The following OSBPL9 variants were observed in gnomAD, a reference collection of about 807,000 sequenced individuals.
The protein encoded by OSBPL9 is oxysterol binding protein like 9.
OSBPL9 carries 40 observed loss-of-function variants against 106.6 expected under a neutral mutation model. The observed-to-expected ratio is 0.38, with a 90% CI of 0.29 to 0.49. The LOEUF (loss-of-function observed/expected upper bound fraction) is 0.49, where lower values mean the gene tolerates loss of function less well. Ranked by LOEUF, OSBPL9 falls within the 20% of genes least tolerant of loss-of-function variation. The pLI is 0.97. For missense variants in OSBPL9, 609 were observed against 887.2 expected (o/e 0.69, Z 3.98); for synonymous variants, 269 against 295.4 (o/e 0.91, Z 0.92).
the OSBPL9 span, among the ~76,000 whole-genome samples, chr1:51,570,292 G>GTACT: frequency 3.3e-5 from 5 of 152,146 alleles, no homozygotes; most frequent in Non-Finnish European, 7.4e-5. Context: ...TATTACTACT[G>GTACT]TACTTAATCT....
chr1:51,734,032 A>G (rs1234810252), intron 4 of OSBPL9, among the ~76,000 whole-genome samples: 1 of 152,186 alleles, frequency 6.6e-6, no homozygotes, highest in East Asian at 1.9e-4. Flanking sequence ...TATTATCTCT[A>G]TTGTCCTTAA....
chr1:51,789,166 A>AACTC lies in OSBPL9; in HGVS notation c.*1378_*1381dup. On this transcript the variant is annotated 3_prime_UTR_variant, in exon 24 of 24. Transcript: ENST00000428468. ...GAAGCCCTAAGGCAGTAGTATAACTAACTCCATAAAATACAAACAAACACA... is the reference window on the plus strand; with the variant it reads ...GAAGCCCTAAGGCAGTAGTATAACTAACTCACTCCATAAAATACAAACAAACACA... 2 of 1,423,038 alleles carry AACTC rather than the reference A, an allele frequency of 1.4e-6. No individual in the cohort carries two copies. The highest frequency in any genetic ancestry group is 2.0e-6 in the Non-Finnish European group (2 of 1,008,018). 88.2% of individuals were successfully genotyped at this position (1,423,038 alleles called of 1,614,324 possible). A position where few individuals can be genotyped will look rare whatever the true frequency, so the allele number is the denominator to read the frequency against.
intron 1 of OSBPL9, among the ~76,000 whole-genome samples, chr1:51,591,415 C>A (rs1645274876): frequency 6.6e-6 from 1 of 152,168 alleles, no homozygotes; most frequent in South Asian, 2.1e-4. Context: ...ATGGTTAAGC[C>A]ATTTACTAAG....
chr1:51,522,627 C>A, the OSBPL9 span, among the ~76,000 whole-genome samples: 2 of 152,016 alleles, frequency 1.3e-5, no homozygotes, highest in Non-Finnish European at 2.9e-5. Flanking sequence ...TGTAGCCAAT[C>A]GAATATATGT....
At chr1:51,740,387 T>C (rs1666640971) in intron 4 of OSBPL9, among the ~76,000 whole-genome samples, 1 of 152,038 alleles carries the variant, frequency 6.6e-6, no homozygotes, top group African/African-American at 2.4e-5. Flanking sequence ...GGTATGTGTT[T>C]TACTAATTAA....
intron 1 of OSBPL9, among the ~76,000 whole-genome samples, chr1:51,621,962 G>A (rs950952531): frequency 4.6e-5 from 7 of 151,848 alleles, no homozygotes; most frequent in Admixed American, 4.6e-4. Flanking sequence ...GGCATATGAT[G>A]TTAGCTTGTC....
chr1:51,531,703 G>A, the OSBPL9 span, among the ~76,000 whole-genome samples: 1 of 152,132 alleles, frequency 6.6e-6, no homozygotes, highest in Non-Finnish European at 1.5e-5. Context: ...TGGAATAAGA[G>A]TCTGGAGTTC....
chr1:51,724,843 CT>C, intron 4 of OSBPL9: 2 of 266,474 alleles, frequency 7.5e-6, no homozygotes, highest in South Asian at 5.6e-5. Context: ...TGGAGACTTC[CT>C]TTACCCTTCT....
chr1:51,748,520 C>T (rs1668515748), intron 7 of OSBPL9, 122 bp downstream of exon 7: 1 of 1,088,914 alleles, frequency 9.2e-7, no homozygotes, highest in South Asian at 2.7e-5. Context: ...GAATATTATA[C>T]AGGGGTGCTT....
At chr1:51,723,084 G>T (rs2148916577) in intron 4 of OSBPL9, among the ~76,000 whole-genome samples, 1 of 152,294 alleles carries the variant, frequency 6.6e-6, no homozygotes, top group South Asian at 2.1e-4. Context: ...CGCATGTGCG[G>T]CCTCCCCTAC....
intron 2 of OSBPL9, among the ~76,000 whole-genome samples, chr1:51,655,001 G>A (rs1646731993): frequency 6.6e-6 from 1 of 152,060 alleles, no homozygotes; most frequent in Non-Finnish European, 1.5e-5. Context: ...TGGTGATGAT[G>A]GTGATCATCA....
intron 6 of OSBPL9, among the ~76,000 whole-genome samples, chr1:51,747,553 C>CTTTTTTTTTTTTTTTTTTT (rs746109312): frequency 7.5e-4 from 32 of 42,386 alleles, no homozygotes; most frequent in Admixed American, 1.1e-3. Flanking sequence ...CTCTCCTTGG[C>CTTTTTTTTTTTTTTTTTTT]TTTTTTTTTT....
chr1:51,726,029 A>G (rs890500577), intron 4 of OSBPL9, among the ~76,000 whole-genome samples: 1 of 152,268 alleles, frequency 6.6e-6, no homozygotes, highest in African/African-American at 2.4e-5. Context: ...TGATTAATAC[A>G]TATTTTATAT....
chr1:51,776,700 C>A, intron 14 of OSBPL9, 133 bp from the exon 15 acceptor site: 1 of 626,798 alleles, frequency 1.6e-6, no homozygotes, highest in Non-Finnish European at 2.8e-6. Context: ...TGGAGCATGC[C>A]TGGGCAATAT....
chr1:51,617,291 G>A (rs1644103831), intron 1 of OSBPL9, 70 bp downstream of exon 1: 17 of 1,457,526 alleles, frequency 1.2e-5, no homozygotes, highest in Non-Finnish European at 4.6e-6. Flanking sequence ...GGGGGACCGG[G>A]GTTTTAGGTG....
At chr1:51,711,585 T>C (rs1175320965) in intron 3 of OSBPL9, among the ~76,000 whole-genome samples, 1 of 120,390 alleles carries the variant, frequency 8.3e-6, no homozygotes, top group Non-Finnish European at 1.7e-5. Context: ...ATGGGGTGGC[T>C]GCCGGGCGGA....
At chr1:51,631,845 A>G (rs533512591) in intron 1 of OSBPL9, among the ~76,000 whole-genome samples, 2 of 152,222 alleles carry the variant, frequency 1.3e-5, no homozygotes, top group East Asian at 3.9e-4. Flanking sequence ...GGTCTCCCCA[A>G]CTGCCATAAT....
At chr1:51,594,284 A>G (rs1434092048) in intron 1 of OSBPL9, among the ~76,000 whole-genome samples, 1 of 152,050 alleles carries the variant, frequency 6.6e-6, no homozygotes, top group East Asian at 1.9e-4. Context: ...GGTGGCGGGC[A>G]CCAGCTACTC....
intron 4 of OSBPL9, among the ~76,000 whole-genome samples, chr1:51,737,568 G>A (rs927709154): frequency 6.6e-6 from 1 of 151,546 alleles, no homozygotes; most frequent in African/African-American, 2.4e-5. Context: ...GTGTGTGTGT[G>A]TGTGTGTGTG....
Sources: gnomAD v4.1 joint callset for allele counts (sites outside exome capture counted in the v4.1 genomes callset) on GRCh38, gnomAD v4.1.1 for gene constraint, MANE v1.5 for transcripts, NCBI Gene and HGNC (gene_info 2026-07-23, HGNC 2026-07-21) for gene names.